The following CALN1 variants were observed in gnomAD, a reference collection of about 807,000 sequenced individuals.
CALN1 encodes the protein calneuron 1, also known as calcium-binding protein 8.
CALN1 carries 17 observed loss-of-function variants against 30.6 expected under a neutral mutation model. The ratio of observed to expected loss-of-function variants is 0.56; its 90% confidence interval spans 0.38 to 0.83. CALN1 has a LOEUF of 0.83. Among genes scored for constraint, CALN1 ranks in the 40% least tolerant of loss-of-function variants. The pLI, the probability that CALN1 is intolerant of heterozygous loss-of-function variation, is 0.00. For missense variants in CALN1, 291 were observed against 354.9 expected, an observed-to-expected ratio of 0.82 and a Z score of 1.45; for synonymous variants, 156 against 131.4, an observed-to-expected ratio of 1.19 and a Z score of -1.28.
chr7:71,956,772 C>A (rs1408127194), intron 5 of CALN1, among the ~76,000 whole-genome samples: 1 of 152,160 alleles, frequency 6.6e-6, no homozygotes, highest in East Asian at 1.9e-4. Context: ...TCTCAGCTCA[C>A]TGCAATCTCT....
intron 3 of CALN1, among the ~76,000 whole-genome samples, chr7:72,111,728 A>G (rs1807587783): frequency 6.6e-6 from 1 of 150,872 alleles, no homozygotes; most frequent in African/African-American, 2.4e-5. Flanking sequence ...GATTACAGGC[A>G]TGAGCTGGTA....
chr7:71,940,871 C>T (rs922070470), intron 5 of CALN1, among the ~76,000 whole-genome samples: 1 of 152,160 alleles, frequency 6.6e-6, no homozygotes, highest in Non-Finnish European at 1.5e-5. Flanking sequence ...TTCAGCCTCC[C>T]AAGGTGCTGA....
At chr7:71,876,833 C>T (rs939861903) in intron 5 of CALN1, among the ~76,000 whole-genome samples, 6 of 152,198 alleles carry the variant, frequency 3.9e-5, no homozygotes, top group Non-Finnish European at 7.3e-5. Flanking sequence ...AATGCTCCGA[C>T]CCACCACATT....
chr7:72,432,453 G>A (rs148665527), intron 1 of CALN1, among the ~76,000 whole-genome samples: 107 of 152,204 alleles, frequency 7.0e-4, no homozygotes, highest in African/African-American at 2.3e-3. Flanking sequence ...ATAGCTGTGC[G>A]TCTCCTGAGC....
At chr7:72,230,342 T>TAAAAA (rs3032182) in intron 3 of CALN1, among the ~76,000 whole-genome samples, 1,550 of 124,810 alleles carry the variant, frequency 0.012, 47 homozygotes, top group African/African-American at 0.042. Context: ...CAATAGATAC[T>TAAAAA]AAAAAAAAAA....
intron 4 of CALN1, among the ~76,000 whole-genome samples, chr7:72,031,567 T>C (rs993750468): frequency 6.6e-6 from 1 of 151,924 alleles, no homozygotes. Context: ...AGAATCTTAA[T>C]TGTTTTGTTT....
the CALN1 span, among the ~76,000 whole-genome samples, chr7:72,455,875 G>A: frequency 6.6e-6 from 1 of 152,294 alleles, no homozygotes; most frequent in African/African-American, 2.4e-5. Context: ...CAGTGAGGGA[G>A]AGGGGAAGCC....
intron 5 of CALN1, among the ~76,000 whole-genome samples, chr7:72,012,759 G>C (rs918197731): frequency 5.3e-5 from 8 of 152,152 alleles, no homozygotes; most frequent in Admixed American, 2.0e-4. Context: ...CCTCCTGGCA[G>C]CTGGCAGCTG....
intron 4 of CALN1, among the ~76,000 whole-genome samples, chr7:72,104,820 G>A (rs1806962841): frequency 6.6e-6 from 1 of 152,086 alleles, no homozygotes; most frequent in Non-Finnish European, 1.5e-5. Flanking sequence ...AGTCAGTTGT[G>A]GTGGTGCATG....
intron 5 of CALN1, among the ~76,000 whole-genome samples, chr7:71,897,976 A>AC (rs1364951615): frequency 2.3e-3 from 263 of 116,794 alleles, no homozygotes; most frequent in African/African-American, 8.8e-3. Flanking sequence ...AAAAAACAAA[A>AC]AAAAAAAAAA....
intron 3 of CALN1, among the ~76,000 whole-genome samples, chr7:72,221,341 G>A (rs544245036): frequency 3.0e-4 from 40 of 132,438 alleles, no homozygotes; most frequent in South Asian, 1.5e-3. Context: ...TTTTTGAGAC[G>A]GGGTATCTAT....
At chr7:72,090,550 A>G (rs1313456543) in intron 4 of CALN1, among the ~76,000 whole-genome samples, 1 of 152,138 alleles carries the variant, frequency 6.6e-6, no homozygotes, top group Non-Finnish European at 1.5e-5. Context: ...TAAATAAGTA[A>G]TCTATTGAAG....
At chr7:71,910,024 G>C (rs1297812285) in intron 5 of CALN1, among the ~76,000 whole-genome samples, 2 of 152,086 alleles carry the variant, frequency 1.3e-5, no homozygotes, top group African/African-American at 4.8e-5. Flanking sequence ...AGAGAGCTTT[G>C]CAAGGGAACT....
At chr7:72,411,524 G>T (rs141342383) in intron 1 of CALN1, among the ~76,000 whole-genome samples, 1 of 152,222 alleles carries the variant, frequency 6.6e-6, no homozygotes, top group East Asian at 1.9e-4. Context: ...AAATATGGAC[G>T]TATCAGTTGT....
In CALN1 at chr7:72,403,926, G is replaced by A. The variant is rs533847280; in HGVS notation, c.-73-484C>T. Among the ~76,000 whole-genome samples the A allele has an allele frequency of 3.9e-5, 6 of 152,310 alleles. No individual in the cohort carries two copies. In the South Asian group the frequency reaches 1.2e-3, roughly 32 times the overall value. The stretch of plus-strand genomic sequence containing the variant: ...CCAGCCTCCCAAACTTAGTCATGCT[G>A]TCGCAATCCCAGGGCAATACCCTCC... On this transcript the variant is annotated intron_variant, in intron 1 of 6. Coordinates refer to ENST00000395275, the MANE Select transcript of CALN1 (RefSeq NM_031468.4).
At chr7:71,818,762 T>C (rs2116296038) in intron 5 of CALN1, among the ~76,000 whole-genome samples, 1 of 151,856 alleles carries the variant, frequency 6.6e-6, no homozygotes, top group South Asian at 2.1e-4. Context: ...CAGGCTGGAG[T>C]GCAGTGGTGC....
chr7:72,423,105 T>A (rs1269441479), intron 1 of CALN1, among the ~76,000 whole-genome samples: 1 of 146,054 alleles, frequency 6.8e-6, no homozygotes, highest in African/African-American at 2.6e-5. Context: ...TGAGACTCCA[T>A]CTCAAAAAAA....
chr7:71,814,308 G>A (rs766605154), intron 5 of CALN1, among the ~76,000 whole-genome samples: 78 of 152,284 alleles, frequency 5.1e-4, no homozygotes, highest in Non-Finnish European at 4.4e-5. Flanking sequence ...TGTCGGGCAA[G>A]GGTGAGGGGT....
intron 2 of CALN1, among the ~76,000 whole-genome samples, chr7:72,347,892 G>A (rs2129559122): frequency 6.6e-6 from 1 of 152,244 alleles, no homozygotes; most frequent in African/African-American, 2.4e-5. Context: ...ACTTTGGGAG[G>A]CTGAGGAGGG....
Sources: gnomAD v4.1 joint callset for allele counts (sites outside exome capture counted in the v4.1 genomes callset) on GRCh38, gnomAD v4.1.1 for gene constraint, MANE v1.5 for transcripts, NCBI Gene and HGNC (gene_info 2026-07-23, HGNC 2026-07-21) for gene names.